Variants in CHD5 observed in about 807,000 individuals in gnomAD.
CHD5 encodes the protein ATP-dependent chromatin remodeler CHD5.
In CHD5, 69 loss-of-function variants were observed where a neutral mutation model predicts 230.3. The observed-to-expected ratio is 0.30, with a 90% CI of 0.25 to 0.37. The LOEUF (loss-of-function observed/expected upper bound fraction) is 0.37. Among genes scored for constraint, CHD5 ranks in the 10% least tolerant of loss-of-function variants. CHD5 has a pLI of 1.00. For synonymous variants in CHD5, 1,064 were observed against 1,065.9 expected (o/e 1.00, Z 0.03); for missense variants, 1,827 against 2,622.8 (o/e 0.70, Z 6.63).
chr1:6,120,816 T>C (rs1666456962), intron 33 of CHD5, among the ~76,000 whole-genome samples: 1 of 151,780 alleles, frequency 6.6e-6, no homozygotes, highest in Admixed American at 6.6e-5. Context: ...GGCACAAGAA[T>C]CACTTGAACC....
At chr1:6,178,070 G>A (rs1338864283) in intron 1 of CHD5, among the ~76,000 whole-genome samples, 1 of 152,206 alleles carries the variant, frequency 6.6e-6, no homozygotes, top group East Asian at 1.9e-4. Context: ...AAAGGCTCTG[G>A]AGGTGGAGCA....
At chr1:6,172,476 C>T (rs1172963311) in intron 1 of CHD5, among the ~76,000 whole-genome samples, 1 of 152,160 alleles carries the variant, frequency 6.6e-6, no homozygotes, top group East Asian at 1.9e-4. Context: ...CACGCACAAC[C>T]ACCACACCTG....
In CHD5 at chr1:6,159,321, G is replaced by C. The variant is rs1045318932; in HGVS notation, c.387+15C>G. The C allele has an allele frequency of 1.9e-5, 30 of 1,551,292 alleles. No individual in the cohort carries two copies. The highest frequency in any genetic ancestry group is 2.4e-5 in the Non-Finnish European group (28 of 1,146,840). ...GGATGTCGCTCTGTCCCCCCAGCCA[G>C]GCCTCCACAGTTACCTTTAAGCATC... On this transcript the variant is annotated intron_variant, in intron 3 of 41. Transcript: ENST00000262450.
chr1:6,179,894 G>T, intron 1 of CHD5, 51 bp downstream of exon 1: 1 of 1,087,960 alleles, frequency 9.2e-7, no homozygotes, highest in Non-Finnish European at 1.2e-6. Flanking sequence ...GGCCCGGCCC[G>T]TCTCGGCGCC....
rs77614492 is a variant in CHD5 at position 6,172,968 on chromosome 1, T to C, written c.80-4691A>G. 3.0e-3 allele frequency among the ~76,000 whole-genome samples: 449 copies of C among 151,970 alleles called. 2 individuals are homozygous for C. The highest frequency in any genetic ancestry group is 0.011 in the African/African-American group (440 of 41,480). ...AGTTAGGTCATCTGATTCTGGGTGGTTGAAGGATTTGCAGGGGCCAAGCCA... is the reference window on the plus strand; with the variant it reads ...AGTTAGGTCATCTGATTCTGGGTGGCTGAAGGATTTGCAGGGGCCAAGCCA... On this transcript the variant is annotated intron_variant, in intron 1 of 41. Transcript: ENST00000262450.
chr1:6,142,443 T>C lies in CHD5; in HGVS notation c.2206A>G (p.Ile736Val), dbSNP rs920691061. Residue 736 changes from isoleucine to valine, a missense_variant, in exon 14 of 42, where the codon ATC becomes GTC. By Grantham distance (29) the Ile-to-Val change is conservative. This residue lies in a region of CHD5 where 37 missense variants were observed against 105.7 expected (regional missense o/e 0.35). Coordinates refer to ENST00000262450, the MANE Select transcript of CHD5 (RefSeq NM_015557.3). This position sits in a 1 kb window ranked among gnomAD's most constrained non-coding sequence, Gnocchi z 5.2. ...EMGLGKTVQT[I>V]VFLYSLYKEG... ...TTGTAGAGGGAGTAAAGGAACACGA[T>C]GGTCTGCACCGTCTTGCCCAGACCC... The C allele has an allele frequency of 8.7e-6, 14 of 1,612,146 alleles. No individual in the cohort carries two copies. The highest frequency in any genetic ancestry group is 1.2e-5 in the Non-Finnish European group (14 of 1,178,466).
chr1:6,165,774 C>T (rs1485737072), intron 2 of CHD5, among the ~76,000 whole-genome samples: 1 of 152,102 alleles, frequency 6.6e-6, no homozygotes, highest in East Asian at 1.9e-4. Context: ...CAGGGAGCCC[C>T]TCCCAAAGGA....
intron 33 of CHD5, among the ~76,000 whole-genome samples, chr1:6,115,505 G>A (rs916160072): frequency 6.6e-6 from 1 of 152,158 alleles, no homozygotes; most frequent in Non-Finnish European, 1.5e-5. Flanking sequence ...GCTGGTCACA[G>A]AAAAGGAAGT....
chr1:6,161,346 G>T (rs1275797801), intron 2 of CHD5, among the ~76,000 whole-genome samples: 2 of 152,122 alleles, frequency 1.3e-5, no homozygotes, highest in Non-Finnish European at 2.9e-5. Context: ...CAGGGGAGGT[G>T]GGGGCCCCCT....
rs550207486 is a variant in CHD5, at chr1:6,117,120, T to C, written c.4912+3985A>G. 3.3e-5 allele frequency among the ~76,000 whole-genome samples: 5 copies of C among 151,954 alleles called. No homozygotes were observed. The South Asian group carries it at 8.4e-4, about 25-fold the overall frequency. On this transcript the variant is annotated intron_variant, in intron 33 of 41. Transcript: ENST00000262450. ...GGAAAAGAGGAGATATAAAGAAAAT[T>C]TGATCAATCCAAGAGATGGCAGGAA...
intron 1 of CHD5, among the ~76,000 whole-genome samples, chr1:6,171,941 C>G (rs537798658): frequency 1.3e-5 from 2 of 152,378 alleles, no homozygotes; most frequent in Non-Finnish European, 2.9e-5. Context: ...TGAGGCTCCA[C>G]GGATCCAAGC....
At chr1:6,136,896 C>T (rs772142851) in intron 15 of CHD5, 31 bp from the exon 16 acceptor site, 19 of 1,581,862 alleles carry the variant, frequency 1.2e-5, no homozygotes, top group South Asian at 2.3e-5. Context: ...GGGGATGAGA[C>T]GGCTGGGAGC....
chr1:6,127,106 G>A, intron 25 of CHD5: 1 of 268,972 alleles, frequency 3.7e-6, no homozygotes. Flanking sequence ...AGGGTGGGGA[G>A]CAGAGGAGGA....
chr1:6,110,006 A>T lies in CHD5; in HGVS notation c.5383-16T>A. 6.6e-7 allele frequency: 1 copy of T among 1,514,870 alleles called. No homozygotes were observed. The highest frequency in any genetic ancestry group is 8.8e-7 in the Non-Finnish European group (1 of 1,135,036). The allele number at this position is 1,514,870 out of a possible 1,614,324, so 93.8% of individuals were successfully genotyped here. On this transcript the variant is annotated splice_polypyrimidine_tract_variant and intron_variant, in intron 37 of 41. Transcript: ENST00000262450. The stretch of plus-strand genomic sequence containing the variant: ...GCTCCAGCAGCTGGGGGCGGGGCGC[A>T]GCGTCGGCCCGGCCCCTCCCGCTGA...
intron 1 of CHD5, among the ~76,000 whole-genome samples, chr1:6,173,022 G>C (rs1396836448): frequency 6.6e-6 from 1 of 151,978 alleles, no homozygotes; most frequent in Non-Finnish European, 1.5e-5. Context: ...CCATCACCAG[G>C]TTGCAAAGGC....
At position 6,113,015 on chromosome 1, in the gene CHD5, G is replaced by A. The variant is rs760642282; in HGVS notation, c.4913-17C>T. 1 of 1,583,246 alleles carries A rather than the reference G, an allele frequency of 6.3e-7. No individual in the cohort carries two copies. Among genetic ancestry groups the A allele is most frequent in the African/African-American group, 1.3e-5 (1 of 74,446 alleles). On this transcript the variant is annotated splice_polypyrimidine_tract_variant and intron_variant, in intron 33 of 41. Coordinates refer to ENST00000262450, the MANE Select transcript of CHD5 (RefSeq NM_015557.3). ...GCACCTCCTCTGCAAGAAAAAGAGG[G>A]TTCGCGGCATGGGGTGGGGTCCCAG... is the stretch of plus-strand genomic sequence containing the variant.
In CHD5 at chr1:6,125,985, C is replaced by T; in HGVS notation, c.4079-127G>A. On this transcript the variant is annotated intron_variant, in intron 26 of 41. Transcript: ENST00000262450. This position sits in a 1 kb window ranked among gnomAD's most constrained non-coding sequence, Gnocchi z 6.7. The stretch of plus-strand genomic sequence containing the variant: ...CTCCATAAAAAAGCAGTGACAATGG[C>T]CCACATACTTCCTGTGGGCTCATTT... 1.4e-6 allele frequency: 1 copy of T among 692,256 alleles called. No homozygotes were observed. Among genetic ancestry groups the T allele is most frequent in the Non-Finnish European group, 2.6e-6 (1 of 389,224 alleles). The allele number at this position is 692,256 out of a possible 1,614,324, so 42.9% of individuals were successfully genotyped here. A position where few individuals can be genotyped will look rare whatever the true frequency, so the allele number is the denominator to read the frequency against.
intron 1 of CHD5, among the ~76,000 whole-genome samples, chr1:6,169,392 G>A (rs952980392): frequency 3.3e-5 from 5 of 152,236 alleles, no homozygotes; most frequent in Non-Finnish European, 7.3e-5. Context: ...AGGGGGCCCT[G>A]GCCGGGCAGG....
Position 6,154,989 on chromosome 1 carries a change from G to GCA in CHD5, c.507-92_507-91insTG. ...GGCAGGGCCCACCCCTCTGCCACATGTGCGATCTATGGCAGCAGCCCCAGG... is the reference window on the plus strand; with the variant it reads ...GGCAGGGCCCACCCCTCTGCCACATGCATGCGATCTATGGCAGCAGCCCCAGG... On this transcript the variant is annotated intron_variant, in intron 4 of 41. Coordinates refer to ENST00000262450, the MANE Select transcript of CHD5 (RefSeq NM_015557.3). The surrounding 1 kb of genome is among the most constrained non-coding windows in gnomAD (Gnocchi z 7.0). The GCA allele has an allele frequency of 8.7e-7, 1 of 1,147,620 alleles. No individual in the cohort carries two copies. The highest frequency in any genetic ancestry group is 2.1e-5 in the Admixed American group (1 of 46,808). The allele number at this position is 1,147,620 out of a possible 1,614,324, so 71.1% of individuals were successfully genotyped here. A position where few individuals can be genotyped will look rare whatever the true frequency, so the allele number is the denominator to read the frequency against.
Sources: allele counts gnomAD v4.1 joint callset (sites outside exome capture counted in the v4.1 genomes callset), GRCh38; gene constraint gnomAD v4.1.1; regional missense constraint gnomAD v4.1.1; non-coding constraint Gnocchi (gnomAD v3.1); transcripts MANE v1.5; gene names NCBI Gene and HGNC (gene_info 2026-07-23, HGNC 2026-07-21).